Variants in EVI5 observed in about 807,000 individuals in gnomAD.
EVI5 encodes ecotropic viral integration site 5.
EVI5 carries 73 observed loss-of-function variants against 112.0 expected under a neutral mutation model. The ratio of observed to expected loss-of-function variants is 0.65; its 90% CI spans 0.54 to 0.79. The LOEUF is 0.79. Ranked by LOEUF, EVI5 falls within the 30% of genes least tolerant of loss-of-function variation. The probability of loss-of-function intolerance (pLI) is 0.00; values close to 1 mark genes in which losing one functional copy is unlikely to be tolerated. For missense variants in EVI5, 900 were observed against 968.8 expected, an observed-to-expected ratio of 0.93 and a Z score of 0.94; for synonymous variants, 305 against 319.9, an observed-to-expected ratio of 0.95 and a Z score of 0.50.
At chr1:92,765,160 C>T (rs1231811195) in intron 1 of EVI5, among the ~76,000 whole-genome samples, 4 of 150,192 alleles carry the variant, frequency 2.7e-5, no homozygotes, top group Non-Finnish European at 1.5e-5. Flanking sequence ...TGCTACCAGA[C>T]ATTCCTTATA....
chr1:92,624,287 T>C lies in EVI5; in HGVS notation c.1716A>G (p.Lys572=), dbSNP rs1023807375. The C allele has an allele frequency of 3.1e-6, 5 of 1,613,632 alleles. No individual in the cohort carries two copies. In the African/African-American group the frequency reaches 5.3e-5, roughly 17 times the overall value. ...TTGRWKDPPK[K]NAMNELQDEL... ...CATCTTGTAACTCATTCATAGCATT[T>C]TTCTTGGGTGGGTCTTTCCATCTCC... Residue 572 remains lysine (K), a synonymous_variant, in exon 16 of 20, where the codon AAA becomes AAG. Transcript: ENST00000684568.
chr1:92,609,512 C>T (rs1337279356), intron 16 of EVI5, among the ~76,000 whole-genome samples: 2 of 152,072 alleles, frequency 1.3e-5, no homozygotes, highest in Non-Finnish European at 2.9e-5. Context: ...CACCCACCAC[C>T]ATGCCCAGCT....
At chr1:92,635,559 T>C (rs1350611548) in intron 14 of EVI5, among the ~76,000 whole-genome samples, 2 of 152,278 alleles carry the variant, frequency 1.3e-5, no homozygotes, top group Non-Finnish European at 2.9e-5. Context: ...GTGACCCGAT[T>C]TTCCAGGTGC....
intron 16 of EVI5, among the ~76,000 whole-genome samples, chr1:92,621,096 T>G (rs945710473): frequency 1.3e-5 from 2 of 151,924 alleles, no homozygotes; most frequent in African/African-American, 4.8e-5. Flanking sequence ...TCTTGAAAGA[T>G]GTATAAATAA....
intron 2 of EVI5, among the ~76,000 whole-genome samples, chr1:92,709,614 T>G (rs1672530673): frequency 6.6e-6 from 1 of 152,230 alleles, no homozygotes; most frequent in South Asian, 2.1e-4. Flanking sequence ...TTTAGAATTT[T>G]TATAATGAAG....
chr1:92,717,570 T>G (rs944933132), intron 2 of EVI5, among the ~76,000 whole-genome samples: 8 of 152,268 alleles, frequency 5.3e-5, no homozygotes, highest in African/African-American at 1.7e-4. Context: ...GGAACAACCG[T>G]TACCAGCCTC....
In EVI5 at chr1:92,703,378, GAATA is replaced by G; in HGVS notation, c.564+13_564+16del. On this transcript the variant is annotated intron_variant, in intron 4 of 19. Coordinates refer to ENST00000684568, the MANE Select transcript of EVI5 (RefSeq NM_001350197.2). ...AGGAATTCATTTCATTTCAAAAAAT[GAATA>G]AATAAAACTTACCTTCATTACATTA... 7.2e-7 allele frequency: 1 copy of G among 1,398,374 alleles called. No homozygotes were observed. Among genetic ancestry groups the G allele is most frequent in the African/African-American group, 1.5e-5 (1 of 66,930 alleles). The allele number at this position is 1,398,374 out of a possible 1,614,324, so 86.6% of individuals were successfully genotyped here.
At position 92,661,308 on chromosome 1, in the gene EVI5, T is replaced by C. The variant is rs570812403; in HGVS notation, c.1392+1411A>G. Among the ~76,000 whole-genome samples the C allele has an allele frequency of 2.0e-5, 3 of 152,262 alleles. No individual in the cohort carries two copies. The East Asian group carries it at 5.8e-4, about 29-fold the overall frequency. ...ACAGATGTTCACTTTCTAGCCGTAA[T>C]ATGCTCATTCACTTTATTATGGCCA... On this transcript the variant is annotated intron_variant, in intron 13 of 19. Transcript: ENST00000684568.
At chr1:92,726,813 A>G (rs1374468420) in intron 2 of EVI5, among the ~76,000 whole-genome samples, 1 of 152,200 alleles carries the variant, frequency 6.6e-6, no homozygotes, top group East Asian at 1.9e-4. Context: ...GTGTGCTATT[A>G]TAAGGTGCTT....
intron 14 of EVI5, among the ~76,000 whole-genome samples, chr1:92,630,137 T>C (rs1318455655): frequency 2.0e-5 from 3 of 152,234 alleles, no homozygotes; most frequent in African/African-American, 4.8e-5. Context: ...TACGTGTGCA[T>C]GTGTCCTTAT....
intron 18 of EVI5, among the ~76,000 whole-genome samples, chr1:92,564,042 C>T (rs1238247987): frequency 6.6e-6 from 1 of 152,132 alleles, no homozygotes; most frequent in Non-Finnish European, 1.5e-5. Flanking sequence ...CTTGCCTCAG[C>T]CTCTAGAGTA....
At chr1:92,768,187 C>G (rs749344241) in intron 1 of EVI5, among the ~76,000 whole-genome samples, 5 of 150,930 alleles carry the variant, frequency 3.3e-5, no homozygotes, top group Non-Finnish European at 7.4e-5. Context: ...TAATAGAAAA[C>G]TAAGGTCTTA....
chr1:92,536,986 T>C (rs1184198723), intron 19 of EVI5, among the ~76,000 whole-genome samples: 3 of 152,178 alleles, frequency 2.0e-5, no homozygotes, highest in Non-Finnish European at 2.9e-5. Context: ...TCATGCATAT[T>C]ATTTCAACTT....
chr1:92,592,218 A>G (rs9659957), intron 18 of EVI5, among the ~76,000 whole-genome samples: 140,005 of 152,006 alleles, frequency 0.92, 64,563 homozygotes, highest in East Asian at 0.97. Flanking sequence ...ACTCCGGCCT[A>G]GGTGACAGAG....
chr1:92,737,619 C>CA (rs373463014), intron 1 of EVI5, among the ~76,000 whole-genome samples: 5,185 of 96,078 alleles, frequency 0.054, 315 homozygotes, highest in African/African-American at 0.14. Context: ...TATGTACACA[C>CA]ACAAAAAAAA....
intron 19 of EVI5, among the ~76,000 whole-genome samples, chr1:92,562,656 T>A (rs1030143920): frequency 6.6e-6 from 1 of 151,206 alleles, no homozygotes; most frequent in Non-Finnish European, 1.5e-5. Context: ...TCAAAACAAA[T>A]TAAACTGAGC....
chr1:92,730,155 A>T (rs1676213029), intron 2 of EVI5, among the ~76,000 whole-genome samples: 1 of 152,194 alleles, frequency 6.6e-6, no homozygotes, highest in Non-Finnish European at 1.5e-5. Flanking sequence ...ACTTGAGCCC[A>T]GGAGTTTAAG....
intron 17 of EVI5, among the ~76,000 whole-genome samples, chr1:92,605,795 C>T (rs1414668357): frequency 1.3e-5 from 2 of 152,058 alleles, no homozygotes; most frequent in Non-Finnish European, 2.9e-5. Flanking sequence ...ATATTATAAA[C>T]AATATCCACA....
At chr1:92,547,276 A>C (rs1571443110) in intron 19 of EVI5, among the ~76,000 whole-genome samples, 1 of 152,354 alleles carries the variant, frequency 6.6e-6, no homozygotes, top group East Asian at 1.9e-4. Flanking sequence ...TGAAGGCAGA[A>C]ATAAAGATGT....
Sources: gnomAD v4.1 joint callset for allele counts (sites outside exome capture counted in the v4.1 genomes callset) on GRCh38, gnomAD v4.1.1 for gene constraint, MANE v1.5 for transcripts, NCBI Gene and HGNC (gene_info 2026-07-23, HGNC 2026-07-21) for gene names.